Variants in TENM2 observed in about 807,000 individuals in gnomAD.
TENM2 encodes the protein teneurin transmembrane protein 2, also known as teneurin-2.
In TENM2, 52 loss-of-function variants were observed where a neutral mutation model predicts 245.2. The ratio of observed to expected loss-of-function variants is 0.21; its 90% CI spans 0.17 to 0.27. The LOEUF (loss-of-function observed/expected upper bound fraction) is 0.27. Ranked by LOEUF, TENM2 falls within the 10% of genes least tolerant of loss-of-function variation. The pLI is 1.00. For synonymous variants in TENM2, 1,363 were observed against 1,438.9 expected (o/e 0.95, Z 1.19); for missense variants, 3,046 against 3,666.8 (o/e 0.83, Z 4.37).
intron 2 of TENM2, among the ~76,000 whole-genome samples, chr5:167,813,200 C>T (rs1231342903): frequency 6.6e-6 from 1 of 151,988 alleles, no homozygotes; most frequent in African/African-American, 2.4e-5. Flanking sequence ...ATGTGTGCAT[C>T]CCAGTTAGTA....
intron 3 of TENM2, among the ~76,000 whole-genome samples, chr5:167,904,534 C>T (rs776555364): frequency 2.0e-5 from 3 of 152,136 alleles, no homozygotes; most frequent in Non-Finnish European, 4.4e-5. Context: ...CCCTACCACA[C>T]GCTGGATACT....
intron 25 of TENM2, among the ~76,000 whole-genome samples, chr5:168,236,283 A>C (rs1331783285): frequency 6.6e-6 from 1 of 152,164 alleles, no homozygotes; most frequent in African/African-American, 2.4e-5. Context: ...TATTCCGGTC[A>C]TCTGGGCTGA....
chr5:167,662,421 A>G (rs1438226765), intron 2 of TENM2, among the ~76,000 whole-genome samples: 1 of 152,178 alleles, frequency 6.6e-6, no homozygotes, highest in Non-Finnish European at 1.5e-5. Flanking sequence ...TGGTTTGCTT[A>G]ATAGATTTTA....
At chr5:167,394,954 G>A (rs188449122) in intron 2 of TENM2, among the ~76,000 whole-genome samples, 1 of 152,212 alleles carries the variant, frequency 6.6e-6, no homozygotes, top group African/African-American at 2.4e-5. Context: ...TCTTTCTCAA[G>A]ATTGCTTTGG....
At chr5:167,504,332 A>G (rs1769403889) in intron 2 of TENM2, among the ~76,000 whole-genome samples, 1 of 152,190 alleles carries the variant, frequency 6.6e-6, no homozygotes, top group Non-Finnish European at 1.5e-5. Context: ...TGCTCCTACT[A>G]CCAACCACTG....
chr5:168,245,905 A>G, intron 26 of TENM2, among the ~76,000 whole-genome samples: 1 of 152,052 alleles, frequency 6.6e-6, no homozygotes, highest in East Asian at 1.9e-4. Flanking sequence ...AGAATCAGTG[A>G]TTCTAGGTTA....
chr5:167,102,090 G>A, the TENM2 span, among the ~76,000 whole-genome samples: 1 of 150,510 alleles, frequency 6.6e-6, no homozygotes, highest in East Asian at 2.0e-4. Context: ...GCCAGGTGTG[G>A]TGGCACGTGG....
chr5:168,030,158 CTTTTTTTTTTTTTTTTTT>C (rs540326142), intron 5 of TENM2, among the ~76,000 whole-genome samples: 5 of 65,294 alleles, frequency 7.7e-5, no homozygotes, highest in Admixed American at 1.5e-4. Context: ...GGTTCTGGCT[CTTTTTTTTTTTTTTTTTT>C]TTTTTTTTTT....
the TENM2 span, among the ~76,000 whole-genome samples, chr5:166,999,452 G>A: frequency 1.3e-5 from 2 of 152,224 alleles, no homozygotes; most frequent in Non-Finnish European, 2.9e-5. Flanking sequence ...GGCAGATCAA[G>A]CATAGATTAG....
chr5:167,021,247 G>T, the TENM2 span, among the ~76,000 whole-genome samples: 1 of 152,286 alleles, frequency 6.6e-6, no homozygotes, highest in African/African-American at 2.4e-5. Context: ...CAGGTGGGTC[G>T]TTAAGAAGTA....
chr5:167,865,694 A>T (rs540944424), intron 2 of TENM2, among the ~76,000 whole-genome samples: 1 of 152,316 alleles, frequency 6.6e-6, no homozygotes, highest in South Asian at 2.1e-4. Flanking sequence ...GTTGTCACTT[A>T]ATAAATCTAA....
At chr5:167,831,444 A>G (rs1384518803) in intron 2 of TENM2, among the ~76,000 whole-genome samples, 2 of 148,672 alleles carry the variant, frequency 1.3e-5, no homozygotes, top group South Asian at 2.1e-4. Flanking sequence ...AAAGAAGACG[A>G]CCACCAAGCA....
chr5:167,687,600 A>T (rs901491256), intron 2 of TENM2, among the ~76,000 whole-genome samples: 1 of 152,208 alleles, frequency 6.6e-6, no homozygotes, highest in South Asian at 2.1e-4. Flanking sequence ...GAGAGTTCAC[A>T]GATGTTTCAG....
At position 167,782,322 on chromosome 5, in the gene TENM2, A is replaced by G. The variant is rs933464170; in HGVS notation, c.503-93664A>G. Among the ~76,000 whole-genome samples the G allele has an allele frequency of 5.3e-4, 80 of 150,956 alleles. No homozygotes were observed. In the South Asian group the frequency reaches 0.016, roughly 31 times the overall value. Reference sequence around the variant, plus strand: ...GAGCAAAACTCTGTCTCAAAAAAAAAAAAAAAAAAAAAAAAAATTAAAAAG... The same window carrying G: ...GAGCAAAACTCTGTCTCAAAAAAAAGAAAAAAAAAAAAAAAAATTAAAAAG... On this transcript the variant is annotated intron_variant, in intron 2 of 28. Transcript: ENST00000518659.
intron 2 of TENM2, chr5:167,820,943 C>G (rs911238049): frequency 6.6e-6 from 1 of 152,166 alleles, no homozygotes; most frequent in African/African-American, 2.4e-5. Flanking sequence ...GGAGGTCTGC[C>G]AAGCCAAATA....
Position 167,637,376 on chromosome 5 carries a change from G to C in TENM2, c.503-238610G>C, listed in dbSNP as rs376254475. On this transcript the variant is annotated intron_variant, in intron 2 of 28. Transcript: ENST00000518659. ...TAAGAAAATGCATTCCAGGGAGGAG[G>C]AATGAAATGGGTATAGGCATGGATA... Among the ~76,000 whole-genome samples the C allele has an allele frequency of 2.1e-4, 32 of 152,250 alleles. No individual in the cohort carries two copies. The South Asian group carries it at 6.6e-3, about 32-fold the overall frequency.
the TENM2 span, among the ~76,000 whole-genome samples, chr5:167,242,325 C>A: frequency 6.6e-6 from 1 of 152,172 alleles, no homozygotes; most frequent in Non-Finnish European, 1.5e-5. Flanking sequence ...GCTGGGATTA[C>A]AGGCATGAGC....
At chr5:167,367,911 A>G (rs974391612) in intron 1 of TENM2, among the ~76,000 whole-genome samples, 1 of 152,160 alleles carries the variant, frequency 6.6e-6, no homozygotes, top group Non-Finnish European at 1.5e-5. Context: ...GATAAAAAGT[A>G]CTATAACGTT....
chr5:167,030,184 C>G, the TENM2 span, among the ~76,000 whole-genome samples: 2 of 152,172 alleles, frequency 1.3e-5, no homozygotes, highest in Admixed American at 1.3e-4. Context: ...CTCTTTACTT[C>G]TTCACTGACC....
Sources: gnomAD v4.1 joint callset for allele counts (sites outside exome capture counted in the v4.1 genomes callset) on GRCh38, gnomAD v4.1.1 for gene constraint, MANE v1.5 for transcripts, NCBI Gene and HGNC (gene_info 2026-07-23, HGNC 2026-07-21) for gene names.